The following ISG20L2 variants were observed in gnomAD, a reference collection of about 807,000 sequenced individuals.
The protein encoded by ISG20L2 is interferon-stimulated 20 kDa exonuclease-like 2.
A neutral mutation model predicts 27.8 loss-of-function variants in ISG20L2; 14 were observed. That is an observed-to-expected ratio of 0.50 (90% CI 0.33 to 0.79). The LOEUF is 0.79. Among genes scored for constraint, ISG20L2 ranks in the 30% least tolerant of loss-of-function variants. The probability of loss-of-function intolerance (pLI) is 0.02; values close to 1 mark genes in which losing one functional copy is unlikely to be tolerated. For synonymous variants in ISG20L2, 157 were observed against 165.7 expected, an observed-to-expected ratio of 0.95 and a Z score of 0.40; for missense variants, 393 against 435.1, an observed-to-expected ratio of 0.90 and a Z score of 0.86.
rs761794246 is a variant in ISG20L2, at chr1:156,723,134, G to A, written c.*215C>T. 93 of 593,054 alleles carry A rather than the reference G, an allele frequency of 1.6e-4. 1 individual carries two copies. Among genetic ancestry groups the A allele is most frequent in the Admixed American group, 6.0e-4 (20 of 33,198 alleles). 36.7% of individuals were successfully genotyped at this position (593,054 alleles called of 1,614,324 possible). A position where few individuals can be genotyped will look rare whatever the true frequency, so the allele number is the denominator to read the frequency against. On this transcript the variant is annotated 3_prime_UTR_variant, in exon 4 of 4. Transcript: ENST00000368219. ...AAAAGGTATAGGGTTGGGTTCTGACGTGAAGGCTTTCCCCTTCCATGGGAC... is the reference window on the plus strand; with the variant it reads ...AAAAGGTATAGGGTTGGGTTCTGACATGAAGGCTTTCCCCTTCCATGGGAC...
rs1033862623 is a variant in ISG20L2 at position 156,724,500 on chromosome 1, T to G, written c.748-152A>C. On this transcript the variant is annotated intron_variant, in intron 2 of 3. Coordinates refer to ENST00000368219, the MANE Select transcript of ISG20L2 (RefSeq NM_001370150.2). Reference sequence around the variant, plus strand: ...GAAATGCTCACTCCCACAAGTTTTCTTTCTTCTGGAATCCACCTTCCTCTT... The same window carrying G: ...GAAATGCTCACTCCCACAAGTTTTCGTTCTTCTGGAATCCACCTTCCTCTT... 65 of 1,415,422 alleles carry G rather than the reference T, an allele frequency of 4.6e-5. No homozygotes were observed. The Admixed American group carries it at 9.2e-4, about 20-fold the overall frequency. The allele number at this position is 1,415,422 out of a possible 1,614,324, so 87.7% of individuals were successfully genotyped here.
At position 156,727,701 on chromosome 1, in the gene ISG20L2, G is replaced by A. The variant is rs1648860165; in HGVS notation, c.-49C>T. On this transcript the variant is annotated 5_prime_UTR_variant, in exon 2 of 4. Transcript: ENST00000368219. ...TAGTTGGGAAGAGTGGCTTATGGAT[G>A]AAAAGAGGATGTGGGACTCATTCTC... The A allele has an allele frequency of 3.2e-6, 5 of 1,572,610 alleles. No homozygotes were observed. Among genetic ancestry groups the A allele is most frequent in the Non-Finnish European group, 4.3e-6 (5 of 1,164,982 alleles).
chr1:156,727,997 A>G, intron 1 of ISG20L2: 1 of 1,057,174 alleles, frequency 9.5e-7, no homozygotes, highest in Non-Finnish European at 1.1e-6. Flanking sequence ...TAAGGTCATT[A>G]CCGCGCTCTA....
intron 2 of ISG20L2, 72 bp downstream of exon 2, chr1:156,726,834 T>C (rs896822093): frequency 3.2e-5 from 49 of 1,545,868 alleles, no homozygotes; most frequent in Non-Finnish European, 3.7e-5. Context: ...CATAGTGATA[T>C]CCTTTGCTGA....
intron 3 of ISG20L2, 155 bp downstream of exon 3, chr1:156,723,993 C>G: frequency 8.7e-7 from 1 of 1,154,040 alleles, no homozygotes; most frequent in Non-Finnish European, 1.2e-6. Context: ...AGGTAGACAA[C>G]AGGAATTATT....
chr1:156,726,887 C>G lies in ISG20L2; in HGVS notation c.747+19G>C, dbSNP rs551375839. ...TCTCCATCCACCTCCCTGCCACCATCAAGCCCCATGCTTCTTACCTGGCCT... is the reference window on the plus strand; with the variant it reads ...TCTCCATCCACCTCCCTGCCACCATGAAGCCCCATGCTTCTTACCTGGCCT... On this transcript the variant is annotated intron_variant, in intron 2 of 3. Transcript: ENST00000368219. The G allele has an allele frequency of 1.4e-5, 22 of 1,600,466 alleles. No individual in the cohort carries two copies. In the South Asian group the frequency reaches 2.5e-4, roughly 18 times the overall value.
chr1:156,727,906 T>G, intron 1 of ISG20L2, 137 bp from the exon 2 acceptor site: 3 of 1,246,764 alleles, frequency 2.4e-6, no homozygotes, highest in Non-Finnish European at 3.0e-6. Flanking sequence ...AAACATAACA[T>G]GAAATGATGG....
At position 156,723,396 on chromosome 1, in the gene ISG20L2, C is replaced by T; in HGVS notation, c.1015G>A (p.Glu339Lys). Residue 339 changes from glutamate to lysine, a missense_variant, in exon 4 of 4, where the codon GAA (glutamate) becomes AAA (lysine). By Grantham distance (56) the Glu-to-Lys change is moderately conservative. Coordinates refer to ENST00000368219, the MANE Select transcript of ISG20L2 (RefSeq NM_001370150.2). ...GCTAGGTGCTCTTCCCACTCGACTT[C>T]AACCAACTTATATAGCTCCATGGTG... ...QATMELYKLV[E>K]VEWEEHLARN... The T allele has an allele frequency of 6.2e-7, 1 of 1,614,150 alleles. No individual in the cohort carries two copies.
Position 156,727,635 on chromosome 1 carries a change from G to T in ISG20L2, c.18C>A (p.Leu6=). 1 of 1,613,298 alleles carries T rather than the reference G, an allele frequency of 6.2e-7. No individual in the cohort carries two copies. The highest frequency in any genetic ancestry group is 1.1e-5 in the South Asian group (1 of 91,058). Residue 6 remains leucine, a synonymous_variant, in exon 2 of 4, where the codon CTC becomes CTA. Transcript: ENST00000368219. ...GAGGAGGTTCCCCAAAATCCAGATT[G>T]AGCAGTAAAGTAGACATAGGGACAA... The part of the protein sequence containing the change: MSTLL[L]NLDFGEPPPK...
In ISG20L2 at chr1:156,728,710, C is replaced by T; in HGVS notation, c.-413G>A. On this transcript the variant is annotated 5_prime_UTR_variant, in exon 1 of 4. Coordinates refer to ENST00000368219, the MANE Select transcript of ISG20L2 (RefSeq NM_001370150.2). ...AAGGTGTGGGAAGGCCGCGATAAAC[C>T]GGAACTGCAGCCCGCCGGACACCTC... is the stretch of plus-strand genomic sequence containing the variant. The T allele has an allele frequency of 1.1e-5, 11 of 993,884 alleles. No individual in the cohort carries two copies. The highest frequency in any genetic ancestry group is 1.3e-5 in the Non-Finnish European group (11 of 834,884). 61.6% of individuals were successfully genotyped at this position (993,884 alleles called of 1,614,324 possible). A position where few individuals can be genotyped will look rare whatever the true frequency, so the allele number is the denominator to read the frequency against.
rs1341676838 is a variant in ISG20L2, at chr1:156,727,092, C to T, written c.561G>A (p.Val187=). Residue 187 remains valine (V), a synonymous_variant, in exon 2 of 4, where the codon GTG becomes GTA. Transcript: ENST00000368219. ...TAACATGCCCCTTTGGTCCTGTGCC[C>T]ACCATCTCACAGTCAATTGCCACCA... is the stretch of plus-strand genomic sequence containing the variant. ...RKMVAIDCEM[V]GTGPKGHVSS... 3 of 1,614,086 alleles carry T rather than the reference C, an allele frequency of 1.9e-6. No individual in the cohort carries two copies. The highest frequency in any genetic ancestry group is 1.7e-5 in the Admixed American group (1 of 60,008).
chr1:156,726,745 T>A lies in ISG20L2; in HGVS notation c.747+161A>T. On this transcript the variant is annotated intron_variant, in intron 2 of 3. Coordinates refer to ENST00000368219, the MANE Select transcript of ISG20L2 (RefSeq NM_001370150.2). ...CTAATTGTACCTTCCTGACTTTCAC[T>A]GCTTCTTCCACCGACAGGGGGCCTT... The A allele has an allele frequency of 4.1e-6, 4 of 985,478 alleles. No homozygotes were observed. In the South Asian group the frequency reaches 1.9e-4, roughly 46 times the overall value. The allele number at this position is 985,478 out of a possible 1,614,324, so 61.0% of individuals were successfully genotyped here. A position where few individuals can be genotyped will look rare whatever the true frequency, so the allele number is the denominator to read the frequency against.
In ISG20L2 at chr1:156,728,498, G is replaced by A. The variant is rs1053361988; in HGVS notation, c.-201C>T. ...CGCGCCGACGAAGCCCGGGAAGGCA[G>A]GCGCGCGGGTTAGAACGCGCCAGAG... On this transcript the variant is annotated 5_prime_UTR_variant, in exon 1 of 4. Coordinates refer to ENST00000368219, the MANE Select transcript of ISG20L2 (RefSeq NM_001370150.2). 1.0e-6 allele frequency: 1 copy of A among 985,616 alleles called. No homozygotes were observed. The highest frequency in any genetic ancestry group is 6.1e-5 in the Admixed American group (1 of 16,296). 61.1% of individuals were successfully genotyped at this position (985,616 alleles called of 1,614,324 possible).
In ISG20L2 at chr1:156,723,173, C is replaced by A; in HGVS notation, c.*176G>T. The stretch of plus-strand genomic sequence containing the variant: ...CTTCCATGGGACACTTAACCAGACA[C>A]AGGACACAACACCTGAGGTGAAATT... On this transcript the variant is annotated 3_prime_UTR_variant, in exon 4 of 4. Coordinates refer to ENST00000368219, the MANE Select transcript of ISG20L2 (RefSeq NM_001370150.2). 1 of 741,348 alleles carries A rather than the reference C, an allele frequency of 1.3e-6. No individual in the cohort carries two copies. Among genetic ancestry groups the A allele is most frequent in the South Asian group, 1.8e-5 (1 of 55,978 alleles). The allele number at this position is 741,348 out of a possible 1,614,324, so 45.9% of individuals were successfully genotyped here.
intron 2 of ISG20L2, 145 bp downstream of exon 2, chr1:156,726,760 CA>C (rs1648782704): frequency 1.4e-6 from 2 of 1,452,544 alleles, no homozygotes; most frequent in South Asian, 1.5e-5. Flanking sequence ...CTTCCACCGA[CA>C]GGGGGCCTTC....
intron 2 of ISG20L2, chr1:156,726,659 T>C (rs1404929317): frequency 1.4e-5 from 14 of 981,748 alleles, no homozygotes; most frequent in South Asian, 4.7e-5. Flanking sequence ...GCTGGGATTA[T>C]AGGCAAGTGC....
chr1:156,728,505 G>T lies in ISG20L2; in HGVS notation c.-208C>A, dbSNP rs1445657391. On this transcript the variant is annotated 5_prime_UTR_variant, in exon 1 of 4. Coordinates refer to ENST00000368219, the MANE Select transcript of ISG20L2 (RefSeq NM_001370150.2). ...ACGAAGCCCGGGAAGGCAGGCGCGC[G>T]GGTTAGAACGCGCCAGAGGTCGGCG... 3 of 985,544 alleles carry T rather than the reference G, an allele frequency of 3.0e-6. No individual in the cohort carries two copies. Among genetic ancestry groups the T allele is most frequent in the African/African-American group, 3.5e-5 (2 of 57,360 alleles). The allele number at this position is 985,544 out of a possible 1,614,324, so 61.0% of individuals were successfully genotyped here. A position where few individuals can be genotyped will look rare whatever the true frequency, so the allele number is the denominator to read the frequency against.
At position 156,726,457 on chromosome 1, in the gene ISG20L2, C is replaced by T. The variant is rs577926347; in HGVS notation, c.747+449G>A. 2.0e-5 allele frequency: 19 copies of T among 973,872 alleles called. No individual in the cohort carries two copies. In the African/African-American group the frequency reaches 3.3e-4, roughly 17 times the overall value. The allele number at this position is 973,872 out of a possible 1,614,324, so 60.3% of individuals were successfully genotyped here. On this transcript the variant is annotated intron_variant, in intron 2 of 3. Coordinates refer to ENST00000368219, the MANE Select transcript of ISG20L2 (RefSeq NM_001370150.2). ...TGTTTTTTTGAGACAGGATCTCACTCTGTCGCTCAGGCTGGAGTGCAGTGG... is the reference window on the plus strand; with the variant it reads ...TGTTTTTTTGAGACAGGATCTCACTTTGTCGCTCAGGCTGGAGTGCAGTGG...
At position 156,724,159 on chromosome 1, in the gene ISG20L2, G is replaced by A. The variant is rs771338416; in HGVS notation, c.937C>T (p.Arg313Trp). The A allele has an allele frequency of 9.3e-6, 15 of 1,613,612 alleles. No homozygotes were observed. The South Asian group carries it at 1.1e-4, about 12-fold the overall frequency. The change falls in exon 3 of 4, where the codon CGG (arginine) becomes TGG (tryptophan). Residue 313 changes from arginine to tryptophan, a missense_variant. Coordinates refer to ENST00000368219, the MANE Select transcript of ISG20L2 (RefSeq NM_001370150.2). ...TGGGGAGATGCTACCTGGATATCCC[G>A]GTTTAGCAGCTTCTTGGTGAGATGC... ...LKHLTKKLLN[R>W]DIQVGKSGHS...
Sources: allele counts gnomAD v4.1 joint callset, GRCh38; gene constraint gnomAD v4.1.1; transcripts MANE v1.5; gene names NCBI Gene and HGNC (gene_info 2026-07-23, HGNC 2026-07-21).